APRT: variants seen among roughly 807,000 people sequenced by gnomAD.
The protein encoded by APRT is adenine phosphoribosyltransferase.
APRT carries 25 observed loss-of-function variants against 21.0 expected under a neutral mutation model. The observed-to-expected ratio is 1.19, with a 90% CI of 0.87 to 1.66. The LOEUF (loss-of-function observed/expected upper bound fraction) is 1.66, where lower values mean the gene tolerates loss of function less well. APRT is among the 40% of genes most tolerant of loss of function. The pLI, the probability that APRT is intolerant of heterozygous loss-of-function variation, is 0.00. For synonymous variants in APRT, 153 were observed against 109.0 expected, an observed-to-expected ratio of 1.40 and a Z score of -2.52; for missense variants, 294 against 232.7, an observed-to-expected ratio of 1.26 and a Z score of -1.72.
In APRT at chr16:88,811,709, CG is replaced by C. The variant is rs1379886579; in HGVS notation, c.81-54del. ...CCGGGGCCGAAGGAGGGCAGGGCCCCGGGGGCGAAAGACGAGGGTTCCCGCC... is the reference window on the plus strand; with the variant it reads ...CCGGGGCCGAAGGAGGGCAGGGCCCCGGGGCGAAAGACGAGGGTTCCCGCC... On this transcript the variant is annotated intron_variant, in intron 1 of 4. Transcript: ENST00000378364. 3 of 1,508,546 alleles carry C rather than the reference CG, an allele frequency of 2.0e-6. No individual in the cohort carries two copies. The South Asian group carries it at 3.7e-5, about 19-fold the overall frequency. The allele number at this position is 1,508,546 out of a possible 1,614,324, so 93.4% of individuals were successfully genotyped here. A position where few individuals can be genotyped will look rare whatever the true frequency, so the allele number is the denominator to read the frequency against.
In APRT at chr16:88,809,482, G is replaced by C; in HGVS notation, c.*216C>G. 1.3e-6 allele frequency: 1 copy of C among 763,872 alleles called. No individual in the cohort carries two copies. The highest frequency in any genetic ancestry group is 2.2e-6 in the Non-Finnish European group (1 of 449,440). The allele number at this position is 763,872 out of a possible 1,614,324, so 47.3% of individuals were successfully genotyped here. On this transcript the variant is annotated 3_prime_UTR_variant, in exon 5 of 5. Transcript: ENST00000378364. The stretch of plus-strand genomic sequence containing the variant: ...AGGAGACGGCTCTTGTGGGAAAGCT[G>C]TTTACTGCGTTCTCCCGCTGTGTGT...
At chr16:88,811,208 G>A (rs544289618) in intron 2 of APRT, 10 of 468,586 alleles carry the variant, frequency 2.1e-5, no homozygotes, top group African/African-American at 8.2e-5. Context: ...GGCCTGGCTC[G>A]TGGCAGGCGC....
intron 2 of APRT, chr16:88,811,304 C>T (rs1159790545): frequency 3.5e-6 from 2 of 563,928 alleles, no homozygotes; most frequent in Non-Finnish European, 6.3e-6. Flanking sequence ...ACCAACTGAC[C>T]CGGCAACTCG....
chr16:88,811,708 C>G, intron 1 of APRT, 52 bp from the exon 2 acceptor site: 1 of 1,510,882 alleles, frequency 6.6e-7, no homozygotes, highest in East Asian at 2.6e-5. Context: ...GGGCAGGGCC[C>G]CGGGGGCGAA....
rs986292805 is a variant in APRT at position 88,810,339 on chromosome 16, G to A, written c.321+84C>T. 52 of 1,577,252 alleles carry A rather than the reference G, an allele frequency of 3.3e-5. 1 individual carries two copies. The highest frequency in any genetic ancestry group is 5.4e-5 in the African/African-American group (4 of 74,192). On this transcript the variant is annotated intron_variant, in intron 3 of 4. Transcript: ENST00000378364. ...TAACCACAGCAGCTCCACTTGACAC[G>A]CCTGGGAAGGCCTTTTAGAACTGGG...
intron 2 of APRT, among the ~76,000 whole-genome samples, chr16:88,810,825 C>G (rs1470858084): frequency 6.6e-6 from 1 of 152,196 alleles, no homozygotes; most frequent in East Asian, 1.9e-4. Context: ...TGTAACTGGG[C>G]TGGTAGAAAC....
rs773463923 is a variant in APRT, at chr16:88,809,668, C to T, written c.*30G>A. On this transcript the variant is annotated 3_prime_UTR_variant, in exon 5 of 5. Coordinates refer to ENST00000378364, the MANE Select transcript of APRT (RefSeq NM_000485.3). ...AGGCTGATATTTCCCTGGGATCCAG[C>T]TGGAGATGTTGGGCTGGGAGGCCCT... 147 of 1,612,948 alleles carry T rather than the reference C, an allele frequency of 9.1e-5. No homozygotes were observed. The highest frequency in any genetic ancestry group is 1.2e-4 in the Non-Finnish European group (145 of 1,179,940).
In APRT at chr16:88,811,720, G is replaced by A. The variant is rs1909150432; in HGVS notation, c.81-64C>T. 4.7e-6 allele frequency: 7 copies of A among 1,504,278 alleles called. No homozygotes were observed. In the Admixed American group the frequency reaches 8.5e-5, roughly 18 times the overall value. The allele number at this position is 1,504,278 out of a possible 1,614,324, so 93.2% of individuals were successfully genotyped here. A position where few individuals can be genotyped will look rare whatever the true frequency, so the allele number is the denominator to read the frequency against. On this transcript the variant is annotated intron_variant, in intron 1 of 4. Coordinates refer to ENST00000378364, the MANE Select transcript of APRT (RefSeq NM_000485.3). The stretch of plus-strand genomic sequence containing the variant: ...GGAGGGCAGGGCCCCGGGGGCGAAA[G>A]ACGAGGGTTCCCGCCCCGCCCGCCC...
rs1909145476 is a variant in APRT, at chr16:88,811,633, T to A, written c.104A>T (p.Asp35Val). 1 of 1,599,610 alleles carries A rather than the reference T, an allele frequency of 6.3e-7. No homozygotes were observed. The highest frequency in any genetic ancestry group is 8.5e-7 in the Non-Finnish European group (1 of 1,173,822). The change falls in exon 2 of 5, where the codon GAC (aspartate) becomes GTC (valine). Residue 35 changes from aspartate (D) to valine (V), a missense_variant. Coordinates refer to ENST00000378364, the MANE Select transcript of APRT (RefSeq NM_000485.3). Reference sequence around the variant, plus strand: ...GATGGCGGCGCGGAAGGAGGCGGGGTCCTTCAGGACGGGCGAGATGTCCCT... The same window carrying A: ...GATGGCGGCGCGGAAGGAGGCGGGGACCTTCAGGACGGGCGAGATGTCCCT... ...VFRDISPVLK[D>V]PASFRAAIGL...
chr16:88,809,939 G>A (rs760879511), intron 4 of APRT, 99 bp from the exon 5 acceptor site: 15 of 1,575,108 alleles, frequency 9.5e-6, no homozygotes, highest in African/African-American at 1.3e-5. Context: ...ATGGGGAGAG[G>A]AAGGTGTCGG....
intron 3 of APRT, 50 bp from the exon 4 acceptor site, chr16:88,810,198 T>C: frequency 8.8e-6 from 14 of 1,592,532 alleles, no homozygotes; most frequent in Non-Finnish European, 1.2e-5. Context: ...GAAAACAGCT[T>C]TGTTGCACAG....
rs149476467 is a variant in APRT, at chr16:88,811,645, G to A, written c.92C>T (p.Pro31Leu). 2.6e-5 allele frequency: 41 copies of A among 1,595,984 alleles called. No individual in the cohort carries two copies. In the African/African-American group the frequency reaches 5.0e-4, roughly 19 times the overall value. The change falls in exon 2 of 5, where the codon CCC becomes CTC. Residue 31 changes from proline to leucine, a missense_variant. By Grantham distance (98) the Pro-to-Leu change is moderately conservative (BLOSUM62 -3). Transcript: ENST00000378364. Reference protein sequence around the residue: ...TPGVVFRDISPVLKDPASFRA... With the variant: ...TPGVVFRDISLVLKDPASFRA... ...GAAGGAGGCGGGGTCCTTCAGGACG[G>A]GCGAGATGTCCCTGGACCCAAGGAC...
chr16:88,811,790 G>C, intron 1 of APRT, 30 bp downstream of exon 1: 1 of 1,539,800 alleles, frequency 6.5e-7, no homozygotes, highest in Non-Finnish European at 8.8e-7. Context: ...CCGCAGGTCG[G>C]GGCGCCACGA....
chr16:88,811,848 C>T lies in APRT; in HGVS notation c.52G>A (p.Asp18Asn). ...LVEQRIRSFP[D>N]FPTPGVVFRD... ...AATACCACGCCTGGGGTGGGGAAGT[C>T]GGGGAAGCTGCGGATCCGCTGCTCA... Residue 18 changes from aspartate to asparagine, a missense_variant, in exon 1 of 5, where the codon GAC becomes AAC. Transcript: ENST00000378364. 1.3e-6 allele frequency: 2 copies of T among 1,572,932 alleles called. No homozygotes were observed. Among genetic ancestry groups the T allele is most frequent in the Non-Finnish European group, 1.7e-6 (2 of 1,161,178 alleles).
Position 88,810,533 on chromosome 16 carries a change from A to G in APRT, c.211T>C (p.Phe71Leu). 2 of 1,612,106 alleles carry G rather than the reference A, an allele frequency of 1.2e-6. No homozygotes were observed. Among genetic ancestry groups the G allele is most frequent in the Non-Finnish European group, 1.7e-6 (2 of 1,179,880 alleles). The change falls in exon 3 of 5, where the codon TTT becomes CTT. Residue 71 changes from phenylalanine (F) to leucine (L), a missense_variant. By Grantham distance (22) the Phe-to-Leu change is conservative. Transcript: ENST00000378364. The stretch of plus-strand genomic sequence containing the variant: ...AGCTCCTGGGCCAGGGAGGGGCCAA[A>G]GAGGAAGCCTCGGGAGTCTAGGCCT... ...IAGLDSRGFL[F>L]GPSLAQELGL...
intron 1 of APRT, 61 bp from the exon 2 acceptor site, chr16:88,811,717 A>G (rs891809493): frequency 6.7e-7 from 1 of 1,503,728 alleles, no homozygotes; most frequent in African/African-American, 1.4e-5. Context: ...CCCGGGGGCG[A>G]AAGACGAGGG....
Position 88,811,855 on chromosome 16 carries a change from G to A in APRT, c.45C>T (p.Ser15=), listed in dbSNP as rs766475947. Residue 15 remains serine, a synonymous_variant, in exon 1 of 5, where the codon AGC becomes AGT. Transcript: ENST00000378364. ...CGCCTGGGGTGGGGAAGTCGGGGAA[G>A]CTGCGGATCCGCTGCTCAACCAGCT... ...ELQLVEQRIR[S]FPDFPTPGVV... The A allele has an allele frequency of 5.1e-6, 8 of 1,572,912 alleles. 1 individual carries two copies. The highest frequency in any genetic ancestry group is 6.9e-6 in the Non-Finnish European group (8 of 1,161,250).
Position 88,809,427 on chromosome 16 carries a change from G to A in APRT, c.*271C>T. On this transcript the variant is annotated 3_prime_UTR_variant, in exon 5 of 5. Coordinates refer to ENST00000378364, the MANE Select transcript of APRT (RefSeq NM_000485.3). ...TACAGCTGAAGTCTGGTGTTGTCCTGGGGCTCCCTGCCCTGGGGAACAGGA... is the reference window on the plus strand; with the variant it reads ...TACAGCTGAAGTCTGGTGTTGTCCTAGGGCTCCCTGCCCTGGGGAACAGGA... The A allele has an allele frequency of 1.7e-6, 1 of 587,686 alleles. No individual in the cohort carries two copies. Among genetic ancestry groups the A allele is most frequent in the Non-Finnish European group, 3.2e-6 (1 of 313,680 alleles). 36.4% of individuals were successfully genotyped at this position (587,686 alleles called of 1,614,324 possible).
At chr16:88,809,884 A>T (rs372494973) in intron 4 of APRT, 44 bp from the exon 5 acceptor site, 1 of 1,603,302 alleles carries the variant, frequency 6.2e-7, no homozygotes, top group Non-Finnish European at 8.5e-7. Flanking sequence ...TGGGCTGCAG[A>T]GAGCAGGTGC....
Sources: gnomAD v4.1 joint callset for allele counts (sites outside exome capture counted in the v4.1 genomes callset) on GRCh38, gnomAD v4.1.1 for gene constraint, MANE v1.5 for transcripts, NCBI Gene and HGNC (gene_info 2026-07-23, HGNC 2026-07-21) for gene names.